Variants in SNX13 observed in about 807,000 individuals in gnomAD.
The protein encoded by SNX13 is sorting nexin-13.
SNX13 carries 45 observed loss-of-function variants against 133.6 expected under a neutral mutation model. The observed-to-expected ratio is 0.34, with a 90% CI of 0.27 to 0.43. The LOEUF is 0.43. Ranked by LOEUF, SNX13 falls within the 20% of genes least tolerant of loss-of-function variation. SNX13 has a pLI of 1.00. For missense variants in SNX13, 1,032 were observed against 1,145.1 expected, an observed-to-expected ratio of 0.90 and a Z score of 1.43; for synonymous variants, 414 against 373.9, an observed-to-expected ratio of 1.11 and a Z score of -1.24.
At position 17,850,419 on chromosome 7, in the gene SNX13, T is replaced by C; in HGVS notation, c.993A>G (p.Lys331=). The change falls in exon 11 of 26, where the codon AAA becomes AAG. Residue 331 remains lysine, a synonymous_variant. Coordinates refer to ENST00000428135, the MANE Select transcript of SNX13 (RefSeq NM_015132.5). ...CGAATAGTAAGCTATTTATTTGATT[T>C]TTGATAGTGTTGATATCTAAAAGCA... ...DTAGDDINTI[K]NQINSLLFVK... is the part of the protein sequence containing the mutation. The C allele has an allele frequency of 6.3e-7, 1 of 1,575,118 alleles. No homozygotes were observed. The highest frequency in any genetic ancestry group is 8.6e-7 in the Non-Finnish European group (1 of 1,159,864).
intron 5 of SNX13, chr7:17,889,506 A>C (rs1429328844): frequency 6.6e-6 from 1 of 152,210 alleles, no homozygotes; most frequent in Non-Finnish European, 1.5e-5. Flanking sequence ...AATAAAAAAA[A>C]AAAATCTACA....
chr7:17,893,765 G>C (rs886289077), intron 2 of SNX13, among the ~76,000 whole-genome samples: 1 of 151,980 alleles, frequency 6.6e-6, no homozygotes. Flanking sequence ...ACAAGGTCAG[G>C]AGTTCGAGAC....
intron 3 of SNX13, among the ~76,000 whole-genome samples, chr7:17,893,083 A>G (rs1796811821): frequency 6.6e-6 from 1 of 152,218 alleles, no homozygotes; most frequent in Non-Finnish European, 1.5e-5. Context: ...AAAATACCCA[A>G]AATAAACTAA....
At chr7:17,824,091 T>C (rs896956188) in intron 17 of SNX13, among the ~76,000 whole-genome samples, 4 of 152,140 alleles carry the variant, frequency 2.6e-5, no homozygotes, top group Non-Finnish European at 4.4e-5. Flanking sequence ...GTGAAGATGG[T>C]GATTTAGCTA....
At chr7:17,808,797 T>A (rs1785629685) in intron 20 of SNX13, among the ~76,000 whole-genome samples, 1 of 152,098 alleles carries the variant, frequency 6.6e-6, no homozygotes, top group Admixed American at 6.5e-5. Flanking sequence ...TGAGGGCCAA[T>A]ATTCAACATT....
At chr7:17,893,263 C>G (rs1412757444) in intron 3 of SNX13, 69 bp downstream of exon 3, 1 of 1,054,198 alleles carries the variant, frequency 9.5e-7, no homozygotes, top group Admixed American at 2.2e-5. Context: ...GCTATATATA[C>G]AGATGATTAC....
intron 19 of SNX13, 129 bp from the exon 20 acceptor site, chr7:17,815,073 A>T: frequency 2.0e-6 from 2 of 1,025,450 alleles, no homozygotes; most frequent in Non-Finnish European, 2.6e-6. Flanking sequence ...TATATTTTTA[A>T]AAACCCAATT....
chr7:17,816,383 C>T, intron 18 of SNX13, 94 bp from the exon 19 acceptor site: 2 of 1,406,930 alleles, frequency 1.4e-6, no homozygotes, highest in Non-Finnish European at 1.9e-6. Flanking sequence ...ATCTTCAGGC[C>T]AGGTGCGGTG....
chr7:17,869,642 G>C (rs1428242696), intron 8 of SNX13, among the ~76,000 whole-genome samples: 2 of 152,028 alleles, frequency 1.3e-5, no homozygotes, highest in Non-Finnish European at 2.9e-5. Context: ...CCCCCATGAT[G>C]AATCAGTATT....
At chr7:17,859,674 C>T (rs1053236261) in intron 9 of SNX13, among the ~76,000 whole-genome samples, 1 of 152,056 alleles carries the variant, frequency 6.6e-6, no homozygotes, top group African/African-American at 2.4e-5. Flanking sequence ...ACAACAAATC[C>T]TGTTGGTTCT....
chr7:17,925,570 A>G (rs1199942271), intron 1 of SNX13, among the ~76,000 whole-genome samples: 1 of 152,254 alleles, frequency 6.6e-6, no homozygotes, highest in Non-Finnish European at 1.5e-5. Context: ...CTAAAAAATA[A>G]GTAATTTAAA....
intron 20 of SNX13, 41 bp downstream of exon 20, chr7:17,814,793 A>T: frequency 1.4e-6 from 2 of 1,402,606 alleles, no homozygotes; most frequent in South Asian, 3.0e-5. Flanking sequence ...GTAAGAAAAC[A>T]GACCTAGAAA....
chr7:17,898,665 A>G (rs1044131479), intron 1 of SNX13, among the ~76,000 whole-genome samples: 2 of 152,186 alleles, frequency 1.3e-5, no homozygotes, highest in African/African-American at 4.8e-5. Context: ...TCACACGGGG[A>G]TAAGTGCTAT....
chr7:17,868,303 A>C, intron 9 of SNX13, 104 bp downstream of exon 9: 2 of 794,816 alleles, frequency 2.5e-6, no homozygotes, highest in South Asian at 3.5e-5. Flanking sequence ...ATTTTTACTT[A>C]ATTTCTTTAA....
intron 12 of SNX13, among the ~76,000 whole-genome samples, 177 bp downstream of exon 12, chr7:17,845,418 A>G (rs1338799290): frequency 1.3e-5 from 2 of 152,194 alleles, no homozygotes; most frequent in African/African-American, 4.8e-5. Context: ...GTAGAGTTTC[A>G]GTTTTGGAAG....
intron 9 of SNX13, among the ~76,000 whole-genome samples, chr7:17,863,113 C>G (rs1792927660): frequency 6.6e-6 from 1 of 152,118 alleles, no homozygotes; most frequent in Admixed American, 6.5e-5. Flanking sequence ...TCCACTAGCA[C>G]CCAGGGAAGG....
intron 12 of SNX13, among the ~76,000 whole-genome samples, chr7:17,841,272 C>A (rs1205124345): frequency 6.6e-6 from 1 of 151,938 alleles, no homozygotes; most frequent in East Asian, 1.9e-4. Context: ...ACAGTTTTAC[C>A]TTTATCTCCC....
chr7:17,797,043 A>G, intron 24 of SNX13, 104 bp from the exon 25 acceptor site: 1 of 869,630 alleles, frequency 1.1e-6, no homozygotes, highest in Non-Finnish European at 1.8e-6. Context: ...ATGTGAACAG[A>G]AAGAAAAGTT....
Position 17,875,730 on chromosome 7 carries a change from T to G in SNX13, c.501A>C (p.Thr167=). Residue 167 remains threonine (T), a synonymous_variant, in exon 6 of 26, where the codon ACA becomes ACC. Transcript: ENST00000428135. ...FTTRIVDDFG[T]HLRVFRKAQQ... ...GAGCCTTTCTGAATACTCGTAAGTG[T>G]GTGCCAAAGTCATCTACAATGCGTG... is the stretch of plus-strand genomic sequence containing the variant. 1.2e-6 allele frequency: 2 copies of G among 1,612,796 alleles called. No individual in the cohort carries two copies. Among genetic ancestry groups the G allele is most frequent in the Non-Finnish European group, 8.5e-7 (1 of 1,179,226 alleles).
Sources: allele counts gnomAD v4.1 joint callset (sites outside exome capture counted in the v4.1 genomes callset), GRCh38; gene constraint gnomAD v4.1.1; transcripts MANE v1.5; gene names NCBI Gene and HGNC (gene_info 2026-07-23, HGNC 2026-07-21).